The following IFI27L1 variants were observed in gnomAD, a reference collection of about 807,000 sequenced individuals.
IFI27L1 encodes interferon alpha inducible protein 27 like 1.
A neutral mutation model predicts 9.2 loss-of-function variants in IFI27L1; 3 were observed. The ratio of observed to expected loss-of-function variants is 0.32; its 90% CI spans 0.15 to 0.84. The LOEUF is 0.84. IFI27L1 is among the 40% of genes least tolerant of loss of function. The probability of loss-of-function intolerance (pLI) is 0.56; values close to 1 mark genes in which losing one functional copy is unlikely to be tolerated. For synonymous variants in IFI27L1, 53 were observed against 50.0 expected, an observed-to-expected ratio of 1.06 and a Z score of -0.26; for missense variants, 133 against 134.2, an observed-to-expected ratio of 0.99 and a Z score of 0.05.
At chr14:94,093,680 C>T (rs1886566905) in intron 1 of IFI27L1, among the ~76,000 whole-genome samples, 1 of 152,128 alleles carries the variant, frequency 6.6e-6, no homozygotes, top group Non-Finnish European at 1.5e-5. Flanking sequence ...AGAGCTGTGG[C>T]CTTGAGGCAA....
intron 1 of IFI27L1, among the ~76,000 whole-genome samples, chr14:94,083,246 C>T (rs879613688): frequency 2.0e-5 from 3 of 152,192 alleles, no homozygotes; most frequent in African/African-American, 7.2e-5. Context: ...GTGGCAATCT[C>T]GTGAGAAACT....
Position 94,092,104 on chromosome 14 carries a change from T to TGACA in IFI27L1, c.-51-4780_-51-4777dup, listed in dbSNP as rs201916820. On this transcript the variant is annotated intron_variant, in intron 1 of 4. Transcript: ENST00000555523. ...TTGCACCACTGCACTCTAGCCTGGG[T>TGACA]GACAGAGTGAGACTGTGTCTCAAAA... 5.7e-4 allele frequency among the ~76,000 whole-genome samples: 80 copies of TGACA among 140,666 alleles called. 1 individual carries two copies. In the East Asian group the frequency reaches 0.016, roughly 28 times the overall value. 92.3% of individuals were successfully genotyped at this position (140,666 alleles called of 152,430 possible).
intron 1 of IFI27L1, chr14:94,089,089 G>T (rs1399824437): frequency 6.6e-6 from 1 of 152,018 alleles, no homozygotes; most frequent in African/African-American, 2.4e-5. Context: ...CAGTGGTTGG[G>T]TCATGGCTCA....
intron 2 of IFI27L1, 179 bp from the exon 3 acceptor site, chr14:94,100,560 A>G (rs1886854706): frequency 1.0e-6 from 1 of 985,338 alleles, no homozygotes; most frequent in Admixed American, 6.1e-5. Context: ...AGAAGGTGCC[A>G]CGTGCAGAGC....
At chr14:94,088,125 A>G in intron 1 of IFI27L1, 1 of 631,388 alleles carries the variant, frequency 1.6e-6, no homozygotes, top group South Asian at 1.8e-5. Flanking sequence ...CAGTTCTGCA[A>G]ATGACCTGAA....
chr14:94,081,675 C>G (rs947412027), intron 1 of IFI27L1, among the ~76,000 whole-genome samples: 1 of 152,160 alleles, frequency 6.6e-6, no homozygotes, highest in African/African-American at 2.4e-5. Context: ...GTACCTAGAT[C>G]ATAGGGAGAT....
At chr14:94,083,271 G>A (rs189108693) in intron 1 of IFI27L1, among the ~76,000 whole-genome samples, 443 of 152,344 alleles carry the variant, frequency 2.9e-3, no homozygotes, top group Non-Finnish European at 5.3e-3. Flanking sequence ...TGGATGAACA[G>A]TTCCTTCTAA....
At chr14:94,093,982 G>C (rs1187796721) in intron 1 of IFI27L1, among the ~76,000 whole-genome samples, 3 of 152,108 alleles carry the variant, frequency 2.0e-5, no homozygotes, top group Non-Finnish European at 2.9e-5. Flanking sequence ...GGTGGGAAAG[G>C]CCCTCTGCTT....
At chr14:94,094,885 A>G (rs1886610384) in intron 1 of IFI27L1, 1 of 152,148 alleles carries the variant, frequency 6.6e-6, no homozygotes. Context: ...CGCAACACCA[A>G]TTGGCTGACT....
chr14:94,099,916 C>T (rs879380300), intron 2 of IFI27L1, among the ~76,000 whole-genome samples: 7 of 152,192 alleles, frequency 4.6e-5, no homozygotes, highest in African/African-American at 7.2e-5. Flanking sequence ...ACAGGCTACA[C>T]GTGGCTCTTG....
intron 1 of IFI27L1, among the ~76,000 whole-genome samples, chr14:94,093,142 C>T (rs1274449173): frequency 6.7e-6 from 1 of 150,348 alleles, no homozygotes; most frequent in African/African-American, 2.5e-5. Flanking sequence ...TCCTTTTCAT[C>T]AAAATTTTTG....
chr14:94,088,336 A>G lies in IFI27L1; in HGVS notation c.-52+6887A>G, dbSNP rs73351223. ...TTCATTTTACTGGCATAGATGCCCC[A>G]GAGCCAACAGGTGTGGCAGTGGCTT... On this transcript the variant is annotated intron_variant, in intron 1 of 4. Transcript: ENST00000555523. 11,993 of 702,230 alleles carry G rather than the reference A, an allele frequency of 0.017. 988 individuals carry two copies. The African/African-American group carries it at 0.18, about 11-fold the overall frequency. The allele number at this position is 702,230 out of a possible 1,614,324, so 43.5% of individuals were successfully genotyped here.
intron 1 of IFI27L1, among the ~76,000 whole-genome samples, chr14:94,085,958 A>G (rs970529596): frequency 6.6e-6 from 1 of 152,238 alleles, no homozygotes; most frequent in African/African-American, 2.4e-5. Context: ...GCACCAAAAA[A>G]CATACGTATG....
At chr14:94,102,069 C>G in intron 4 of IFI27L1, 94 bp downstream of exon 4, 2 of 1,326,780 alleles carry the variant, frequency 1.5e-6, no homozygotes, top group Non-Finnish European at 2.2e-6. Flanking sequence ...GGTCCGTGAT[C>G]CTCTGCCTCT....
chr14:94,097,562 A>G, intron 2 of IFI27L1: 2 of 697,954 alleles, frequency 2.9e-6, no homozygotes, highest in Non-Finnish European at 5.2e-6. Context: ...GCCAGAGCAG[A>G]GGCAGAGAGA....
intron 2 of IFI27L1, among the ~76,000 whole-genome samples, chr14:94,098,277 C>A (rs1886747998): frequency 6.6e-6 from 1 of 152,202 alleles, no homozygotes; most frequent in Non-Finnish European, 1.5e-5. Flanking sequence ...ATGTTCCATG[C>A]CACTCCCTAG....
At chr14:94,100,261 T>C in intron 2 of IFI27L1, 1 of 985,274 alleles carries the variant, frequency 1.0e-6, no homozygotes, top group Non-Finnish European at 1.2e-6. Flanking sequence ...TTGAGGCTGA[T>C]TTTTGCACCT....
At chr14:94,101,708 C>A in intron 3 of IFI27L1, 106 bp from the exon 4 acceptor site, 1 of 1,198,752 alleles carries the variant, frequency 8.3e-7, no homozygotes, top group Non-Finnish European at 1.2e-6. Flanking sequence ...CTCAGTCTTT[C>A]CTGAGAGCAC....
intron 2 of IFI27L1, among the ~76,000 whole-genome samples, chr14:94,099,452 G>A (rs1886810392): frequency 6.6e-6 from 1 of 152,180 alleles, no homozygotes; most frequent in African/African-American, 2.4e-5. Context: ...CAGAGAGCGG[G>A]GAGTGAAAGG....
Sources: gnomAD v4.1 joint callset for allele counts (sites outside exome capture counted in the v4.1 genomes callset) on GRCh38, gnomAD v4.1.1 for gene constraint, MANE v1.5 for transcripts, NCBI Gene and HGNC (gene_info 2026-07-23, HGNC 2026-07-21) for gene names.